The following CXCL13 variants were observed in gnomAD, a reference collection of about 807,000 sequenced individuals.
CXCL13 encodes the protein C-X-C motif chemokine ligand 13.
Under a neutral mutation model 12.2 loss-of-function variants are expected in CXCL13, and 7 were observed. The observed-to-expected ratio is 0.57, with a 90% CI of 0.33 to 1.07. The LOEUF (loss-of-function observed/expected upper bound fraction) is 1.07. CXCL13 is among the 50% of genes least tolerant of loss of function. The pLI, the probability that CXCL13 is intolerant of heterozygous loss-of-function variation, is 0.04. For synonymous variants in CXCL13, 47 were observed against 42.4 expected (o/e 1.11, Z -0.42); for missense variants, 113 against 127.4 (o/e 0.89, Z 0.55).
At chr4:77,600,210 A>G (rs529354992) in intron 1 of CXCL13, among the ~76,000 whole-genome samples, 2 of 152,164 alleles carry the variant, frequency 1.3e-5, no homozygotes, top group East Asian at 3.9e-4. Flanking sequence ...GAGGACTTAC[A>G]TGTAAACTTG....
chr4:77,553,574 A>T (rs1725584207), intron 1 of CXCL13, among the ~76,000 whole-genome samples: 1 of 152,194 alleles, frequency 6.6e-6, no homozygotes, highest in Non-Finnish European at 1.5e-5. Flanking sequence ...AGTCACAGAG[A>T]TAGGCTCTCT....
chr4:77,532,437 CT>C (rs1293588712), intron 1 of CXCL13, among the ~76,000 whole-genome samples: 1 of 152,202 alleles, frequency 6.6e-6, no homozygotes, highest in Non-Finnish European at 1.5e-5. Flanking sequence ...ATGGGCTTCC[CT>C]TTGTGGGTAA....
chr4:77,516,157 C>T (rs1724412546), intron 1 of CXCL13, among the ~76,000 whole-genome samples: 1 of 152,132 alleles, frequency 6.6e-6, no homozygotes, highest in Admixed American at 6.5e-5. Context: ...AGAGATGAAG[C>T]CCACTTGATC....
intron 1 of CXCL13, among the ~76,000 whole-genome samples, chr4:77,513,315 T>C (rs770306405): frequency 3.9e-5 from 6 of 152,156 alleles, no homozygotes; most frequent in South Asian, 2.1e-4. Flanking sequence ...GATCGCTGGG[T>C]CTAATGGTAT....
intron 1 of CXCL13, among the ~76,000 whole-genome samples, chr4:77,513,891 G>A: frequency 6.6e-6 from 1 of 151,518 alleles, no homozygotes. Flanking sequence ...TGACATACTG[G>A]TGTGCTGCAA....
At chr4:77,559,103 C>A (rs1560525843) in intron 1 of CXCL13, among the ~76,000 whole-genome samples, 1 of 152,218 alleles carries the variant, frequency 6.6e-6, no homozygotes, top group African/African-American at 2.4e-5. Context: ...AAACAACCAT[C>A]TCACGCTGGG....
chr4:77,578,714 C>T (rs1418386675), intron 1 of CXCL13, among the ~76,000 whole-genome samples: 2 of 152,148 alleles, frequency 1.3e-5, no homozygotes, highest in East Asian at 1.9e-4. Flanking sequence ...ACCCACCCTT[C>T]AATGTGTCCA....
At chr4:77,538,306 T>C (rs900620446) in intron 1 of CXCL13, among the ~76,000 whole-genome samples, 2 of 151,680 alleles carry the variant, frequency 1.3e-5, no homozygotes, top group East Asian at 3.9e-4. Flanking sequence ...CATGAAAGAG[T>C]TGTGGTTTTT....
At chr4:77,575,842 A>T (rs1726186143) in intron 1 of CXCL13, among the ~76,000 whole-genome samples, 1 of 151,860 alleles carries the variant, frequency 6.6e-6, no homozygotes, top group Admixed American at 6.6e-5. Flanking sequence ...TCTTTAGGTT[A>T]TATTTTAGTG....
At chr4:77,543,116 C>T (rs893186284) in intron 1 of CXCL13, among the ~76,000 whole-genome samples, 3 of 152,052 alleles carry the variant, frequency 2.0e-5, no homozygotes, top group African/African-American at 4.8e-5. Context: ...TGGGAATTTA[C>T]ACATTTCTTC....
chr4:77,517,395 T>G (rs976796300), intron 1 of CXCL13, among the ~76,000 whole-genome samples: 82 of 152,338 alleles, frequency 5.4e-4, no homozygotes, highest in Admixed American at 1.6e-3. Context: ...CTGTCTAATG[T>G]TGACAGTGGG....
At chr4:77,550,033 C>A (rs1284401509) in intron 1 of CXCL13, among the ~76,000 whole-genome samples, 1 of 152,216 alleles carries the variant, frequency 6.6e-6, no homozygotes, top group Non-Finnish European at 1.5e-5. Context: ...TTTACTTAGT[C>A]AAGCCTCAGC....
At chr4:77,561,241 C>A (rs1725803386) in intron 1 of CXCL13, among the ~76,000 whole-genome samples, 1 of 152,062 alleles carries the variant, frequency 6.6e-6, no homozygotes, top group African/African-American at 2.4e-5. Context: ...TACCTGGAGG[C>A]CTGTTAGAAA....
intron 1 of CXCL13, among the ~76,000 whole-genome samples, chr4:77,526,351 G>A (rs996365370): frequency 5.9e-5 from 9 of 151,896 alleles, no homozygotes; most frequent in African/African-American, 2.2e-4. Context: ...CATCTAATAT[G>A]CTTAAAGGTT....
At chr4:77,597,309 GT>G (rs1726789221) in intron 1 of CXCL13, among the ~76,000 whole-genome samples, 1 of 151,856 alleles carries the variant, frequency 6.6e-6, no homozygotes, top group Admixed American at 6.6e-5. Flanking sequence ...TGATACTTAG[GT>G]TTTCCCCTGG....
chr4:77,589,636 C>T (rs1726560592), intron 1 of CXCL13, among the ~76,000 whole-genome samples: 1 of 152,114 alleles, frequency 6.6e-6, no homozygotes, highest in African/African-American at 2.4e-5. Context: ...AACATACACC[C>T]CACGAATAAG....
rs78396671 is a variant in CXCL13, at chr4:77,557,578, C to T, written c.-43+45790C>T. On this transcript the variant is annotated intron_variant, in intron 1 of 4. Transcript: ENST00000286758. ...TCCACAATTCTCTGCAAGTCAGATC[C>T]ATTCATTACATTTTGTCCTTGCATT... Among the ~76,000 whole-genome samples the T allele has an allele frequency of 4.5e-3, 683 of 152,346 alleles. 19 individuals are homozygous for T. The highest frequency in any genetic ancestry group is 0.027 in the East Asian group (140 of 5,188).
At chr4:77,532,815 C>G (rs1033430696) in intron 1 of CXCL13, among the ~76,000 whole-genome samples, 2 of 152,170 alleles carry the variant, frequency 1.3e-5, no homozygotes, top group Non-Finnish European at 2.9e-5. Context: ...ATCACTGATA[C>G]CCTTTCTTCC....
chr4:77,527,950 C>T (rs879288779), intron 1 of CXCL13, among the ~76,000 whole-genome samples: 44 of 151,976 alleles, frequency 2.9e-4, no homozygotes, highest in Non-Finnish European at 2.5e-4. Context: ...CCACAACAGG[C>T]CCTGGTGTGT....
Sources: gnomAD v4.1 joint callset for allele counts (sites outside exome capture counted in the v4.1 genomes callset) on GRCh38, gnomAD v4.1.1 for gene constraint, MANE v1.5 for transcripts, NCBI Gene and HGNC (gene_info 2026-07-23, HGNC 2026-07-21) for gene names.